Variants in ZNF528 observed in about 807,000 individuals in gnomAD.
ZNF528 encodes the protein zinc finger protein 528.
A neutral mutation model predicts 13.3 loss-of-function variants in ZNF528; 9 were observed. The ratio of observed to expected loss-of-function variants is 0.67; its 90% CI spans 0.41 to 1.18. ZNF528 has a LOEUF of 1.18. Ranked by LOEUF, ZNF528 falls within the 50% of genes most tolerant of loss-of-function variation. The pLI is 0.01. For missense variants in ZNF528, 858 were observed against 745.4 expected, an observed-to-expected ratio of 1.15 and a Z score of -1.76; for synonymous variants, 264 against 254.3, an observed-to-expected ratio of 1.04 and a Z score of -0.36.
At chr19:52,399,387 G>C (rs2058765309) in intron 2 of ZNF528, among the ~76,000 whole-genome samples, 1 of 152,146 alleles carries the variant, frequency 6.6e-6, no homozygotes, top group Non-Finnish European at 1.5e-5. Flanking sequence ...TGAGGTGAGC[G>C]GATCACTTGA....
intron 6 of ZNF528, chr19:52,414,761 G>A (rs1037924072): frequency 4.9e-6 from 2 of 409,166 alleles, no homozygotes; most frequent in Non-Finnish European, 9.1e-6. Context: ...CTTTTCTGGG[G>A]ATGTGTTTCT....
chr19:52,415,921 G>C lies in ZNF528; in HGVS notation c.1069G>C (p.Glu357Gln). Residue 357 changes from glutamate (E) to glutamine (Q), a missense_variant, in exon 7 of 7, where the codon GAA becomes CAA. Transcript: ENST00000360465. ...TGGTGAGAAACCTTACAAATGTGAA[G>C]AATGTGGCAAAGCATTTTCAGTGCG... Reference protein sequence around the residue: ...HTGEKPYKCEECGKAFSVRSS... With the variant: ...HTGEKPYKCEQCGKAFSVRSS... 1 of 1,614,006 alleles carries C rather than the reference G, an allele frequency of 6.2e-7. No homozygotes were observed. Among genetic ancestry groups the C allele is most frequent in the East Asian group, 2.2e-5 (1 of 44,870 alleles).
chr19:52,417,621 CT>C lies in ZNF528; in HGVS notation c.*894del, dbSNP rs905438098. 135 of 145,716 alleles carry C rather than the reference CT, an allele frequency of 9.3e-4. No homozygotes were observed. The highest frequency in any genetic ancestry group is 1.0e-3 in the Non-Finnish European group (69 of 65,870). 9.0% of individuals were successfully genotyped at this position (145,716 alleles called of 1,614,324 possible). On this transcript the variant is annotated 3_prime_UTR_variant, in exon 7 of 7. Coordinates refer to ENST00000360465, the MANE Select transcript of ZNF528 (RefSeq NM_032423.3). ...TTAGCAAAGACTGATGAGAAGTAGA[CT>C]TTTTTTTTTTTGGAGATAGAGTCTC...
rs34244828 is a variant in ZNF528, at chr19:52,401,662, C to CTTTTTTTTTT, written c.-136-12_-136-3dup. On this transcript the variant is annotated intron_variant, in intron 2 of 6. Coordinates refer to ENST00000360465, the MANE Select transcript of ZNF528 (RefSeq NM_032423.3). Reference sequence around the variant, plus strand: ...CAGTTTATTACCACATGAAGAATTGCTTTTTTTTTTTTTTTTTTTTAGGTT... The same window carrying CTTTTTTTTTT: ...CAGTTTATTACCACATGAAGAATTGCTTTTTTTTTTTTTTTTTTTTTTTTTTTTTTAGGTT... The CTTTTTTTTTT allele has an allele frequency of 8.8e-6, 8 of 906,946 alleles. 1 individual carries two copies. Among genetic ancestry groups the CTTTTTTTTTT allele is most frequent in the South Asian group, 1.6e-5 (1 of 60,642 alleles). The allele number at this position is 906,946 out of a possible 1,614,324, so 56.2% of individuals were successfully genotyped here.
Position 52,402,165 on chromosome 19 carries a change from C to T in ZNF528, c.15+137C>T. The T allele has an allele frequency of 2.4e-6, 3 of 1,250,504 alleles. No individual in the cohort carries two copies. The South Asian group carries it at 3.9e-5, about 16-fold the overall frequency. The allele number at this position is 1,250,504 out of a possible 1,614,324, so 77.5% of individuals were successfully genotyped here. On this transcript the variant is annotated intron_variant, in intron 4 of 6. Coordinates refer to ENST00000360465, the MANE Select transcript of ZNF528 (RefSeq NM_032423.3). The stretch of plus-strand genomic sequence containing the variant: ...ACTTACCCATGGCTTCTTCCAGTCC[C>T]TTCATTTCCGCTTGAGATTTCAGTT...
rs535156312 is a variant in ZNF528, at chr19:52,414,942, C to G, written c.272-182C>G. 5 of 1,525,180 alleles carry G rather than the reference C, an allele frequency of 3.3e-6. No individual in the cohort carries two copies. In the South Asian group the frequency reaches 6.0e-5, roughly 18 times the overall value. The allele number at this position is 1,525,180 out of a possible 1,614,324, so 94.5% of individuals were successfully genotyped here. On this transcript the variant is annotated intron_variant, in intron 6 of 6. Transcript: ENST00000360465. ...ATAATTCTCTCGACTCCTGCAGATT[C>G]CCCACTGCTCCAATGCATCACCTCA...
intron 4 of ZNF528, among the ~76,000 whole-genome samples, chr19:52,404,378 C>T (rs1204258397): frequency 6.6e-6 from 1 of 151,986 alleles, no homozygotes; most frequent in Non-Finnish European, 1.5e-5. Flanking sequence ...CAAGCGCCTG[C>T]CACCACACCC....
At chr19:52,410,966 G>A (rs955249927) in intron 6 of ZNF528, among the ~76,000 whole-genome samples, 4 of 152,244 alleles carry the variant, frequency 2.6e-5, no homozygotes, top group African/African-American at 7.2e-5. Flanking sequence ...TTCTATGGCC[G>A]TACACTCCTC....
intron 4 of ZNF528, among the ~76,000 whole-genome samples, chr19:52,405,027 C>T (rs1293664082): frequency 6.6e-6 from 1 of 151,430 alleles, no homozygotes; most frequent in Non-Finnish European, 1.5e-5. Flanking sequence ...ACCATCCTGG[C>T]CAACATGGTG....
At chr19:52,414,053 G>GC in intron 6 of ZNF528, 2 of 593,480 alleles carry the variant, frequency 3.4e-6, no homozygotes, top group South Asian at 4.0e-5. Flanking sequence ...GACAAGTTCT[G>GC]CCCCACGTTA....
chr19:52,414,906 C>T (rs1385412013), intron 6 of ZNF528: 1 of 1,477,560 alleles, frequency 6.8e-7, no homozygotes, highest in South Asian at 1.2e-5. Flanking sequence ...TAGTCTGTTT[C>T]AGATTTACCC....
At position 52,416,497 on chromosome 19, in the gene ZNF528, T is replaced by TA. The variant is rs779241111; in HGVS notation, c.1646dup (p.Tyr549Ter). The TA allele has an allele frequency of 1.2e-6, 2 of 1,614,220 alleles. No individual in the cohort carries two copies. Reference protein sequence around the residue: ...HQIIHTGERPYRCSKCGKAFR... With the variant: ...HQIIHTGERP ...AATAATTCATACTGGAGAGAGGCCT[T>TA]ACAGATGTAGTAAATGTGGCAAAGC... The change falls in exon 7 of 7, where the codon TAC (tyrosine) becomes TAAC (stop). Residue 549 changes from tyrosine (Y) to a stop codon, truncating the protein, a stop_gained and frameshift_variant. Coordinates refer to ENST00000360465, the MANE Select transcript of ZNF528 (RefSeq NM_032423.3). LOFTEE classifies it low-confidence loss of function (END_TRUNC).
rs758320180 is a variant in ZNF528 at position 52,416,466 on chromosome 19, A to T, written c.1614A>T (p.Arg538Ser). The change falls in exon 7 of 7, where the codon AGA becomes AGT. Residue 538 changes from arginine (R) to serine (S), a missense_variant. By Grantham distance (110) the Arg-to-Ser change is moderately radical. Transcript: ENST00000360465. ...TTAATCAAGCATCATACCTTACAAGACATCAAATAATTCATACTGGAGAGA... is the reference window on the plus strand; with the variant it reads ...TTAATCAAGCATCATACCTTACAAGTCATCAAATAATTCATACTGGAGAGA... ...KVFNQASYLT[R>S]HQIIHTGERP... 4 of 1,614,176 alleles carry T rather than the reference A, an allele frequency of 2.5e-6. No homozygotes were observed. In the East Asian group the frequency reaches 8.9e-5, roughly 36 times the overall value.
Position 52,415,500 on chromosome 19 carries a change from T to G in ZNF528, c.648T>G (p.Ser216Arg). The change falls in exon 7 of 7, where the codon AGT (serine) becomes AGG (arginine). Residue 216 changes from serine to arginine, a missense_variant. Physicochemically the swap from Ser to Arg is moderately radical, Grantham distance 110 (BLOSUM62 -1). Transcript: ENST00000360465. The stretch of plus-strand genomic sequence containing the variant: ...ACGCAGATAATCCTTACAAATGCAG[T>G]GAATGTGGCAAGGTCTTTAGTTGCA... ...IHNADNPYKC[S>R]ECGKVFSCSS... The G allele has an allele frequency of 1.2e-6, 2 of 1,614,206 alleles. No homozygotes were observed. The highest frequency in any genetic ancestry group is 1.7e-6 in the Non-Finnish European group (2 of 1,180,030).
intron 4 of ZNF528, among the ~76,000 whole-genome samples, chr19:52,405,684 A>C (rs1360057290): frequency 1.3e-5 from 2 of 150,092 alleles, no homozygotes; most frequent in Non-Finnish European, 3.0e-5. Flanking sequence ...TGTATTGTCC[A>C]AAAATGAGAC....
intron 6 of ZNF528, among the ~76,000 whole-genome samples, chr19:52,411,129 A>G (rs2058926027): frequency 6.6e-6 from 1 of 152,158 alleles, no homozygotes; most frequent in South Asian, 2.1e-4. Flanking sequence ...AATATCATCC[A>G]TAAAATGAAT....
At chr19:52,414,493 G>C (rs555854833) in intron 6 of ZNF528, 1 of 582,484 alleles carries the variant, frequency 1.7e-6, no homozygotes, top group African/African-American at 1.9e-5. Context: ...TTATTGGTCA[G>C]CGGCTTGATT....
chr19:52,416,706 T>A lies in ZNF528; in HGVS notation c.1854T>A (p.Ser618=). 6.2e-7 allele frequency: 1 copy of A among 1,609,378 alleles called. No homozygotes were observed. Among genetic ancestry groups the A allele is most frequent in the Non-Finnish European group, 8.5e-7 (1 of 1,176,198 alleles). ...GCAGTAAGGTCTTCAGTCACAATTC[T>A]GACCTTGCACAGCATCAGAGAGTTC... ...TLCSKVFSHN[S]DLAQHQRVHS is the part of the protein sequence containing the mutation. The change falls in exon 7 of 7, where the codon TCT becomes TCA. Residue 618 remains serine (S), a synonymous_variant. Coordinates refer to ENST00000360465, the MANE Select transcript of ZNF528 (RefSeq NM_032423.3).
At chr19:52,413,993 G>T in intron 6 of ZNF528, 1 of 513,036 alleles carries the variant, frequency 1.9e-6, no homozygotes, top group Non-Finnish European at 3.5e-6. Flanking sequence ...CTGAGTTCCA[G>T]GCTGTCTCAA....
Sources: allele counts gnomAD v4.1 joint callset (sites outside exome capture counted in the v4.1 genomes callset), GRCh38; gene constraint gnomAD v4.1.1; transcripts MANE v1.5; gene names NCBI Gene and HGNC (gene_info 2026-07-23, HGNC 2026-07-21).